ZNF354B: variants seen among roughly 807,000 people sequenced by gnomAD.
The protein encoded by ZNF354B is zinc finger protein 354B.
In ZNF354B, 10 loss-of-function variants were observed where a neutral mutation model predicts 12.9. The observed-to-expected ratio is 0.77, with a 90% CI of 0.48 to 1.31. The LOEUF is 1.31. Ranked by LOEUF, ZNF354B falls within the 40% of genes most tolerant of loss-of-function variation. The probability of loss-of-function intolerance (pLI) is 0.00; values close to 1 mark genes in which losing one functional copy is unlikely to be tolerated. For synonymous variants in ZNF354B, 260 were observed against 243.7 expected (o/e 1.07, Z -0.62); for missense variants, 614 against 711.7 (o/e 0.86, Z 1.56).
chr5:178,876,927 C>CTTTTTTTTTTT (rs71589405), intron 4 of ZNF354B, among the ~76,000 whole-genome samples: 1 of 141,416 alleles, frequency 7.1e-6, no homozygotes, highest in Non-Finnish European at 1.5e-5. Flanking sequence ...TTTTTTATGC[C>CTTTTTTTTTTT]TTTTTTTTTT....
chr5:178,875,315 C>G (rs1757621146), intron 4 of ZNF354B, among the ~76,000 whole-genome samples: 1 of 152,194 alleles, frequency 6.6e-6, no homozygotes, highest in Non-Finnish European at 1.5e-5. Flanking sequence ...GTCTATGGGC[C>G]TCTACCCTAA....
At chr5:178,863,680 C>G (rs1367671875) in intron 2 of ZNF354B, among the ~76,000 whole-genome samples, 1 of 152,132 alleles carries the variant, frequency 6.6e-6, no homozygotes, top group Admixed American at 6.5e-5. Flanking sequence ...CAGGCAGGTT[C>G]TTTGAGAGGT....
chr5:178,867,606 G>T (rs1349560862), intron 4 of ZNF354B, among the ~76,000 whole-genome samples: 2 of 152,174 alleles, frequency 1.3e-5, no homozygotes, highest in East Asian at 3.9e-4. Context: ...AGGGACCTGT[G>T]GCGTGTCCTT....
At chr5:178,862,676 T>C (rs1361755618) in intron 2 of ZNF354B, among the ~76,000 whole-genome samples, 2 of 152,222 alleles carry the variant, frequency 1.3e-5, no homozygotes, top group East Asian at 3.9e-4. Context: ...CGGCGTTATC[T>C]TTTAAACTAG....
intron 4 of ZNF354B, 36 bp from the exon 5 acceptor site, chr5:178,882,673 A>G: frequency 6.6e-7 from 1 of 1,518,450 alleles, no homozygotes; most frequent in Non-Finnish European, 8.7e-7. Context: ...AATCACATGA[A>G]TCATGGGCTG....
At position 178,868,523 on chromosome 5, in the gene ZNF354B, A is replaced by G. The variant is rs562394504; in HGVS notation, c.256+1452A>G. ...AGTGGGGGACAAGGTGAACACACTCATTGCACACAAGGCACAGAAGGACAC... is the reference window on the plus strand; with the variant it reads ...AGTGGGGGACAAGGTGAACACACTCGTTGCACACAAGGCACAGAAGGACAC... On this transcript the variant is annotated intron_variant, in intron 4 of 4. Coordinates refer to ENST00000322434, the MANE Select transcript of ZNF354B (RefSeq NM_058230.3). 2.6e-5 allele frequency among the ~76,000 whole-genome samples: 4 copies of G among 151,940 alleles called. No homozygotes were observed. In the South Asian group the frequency reaches 8.3e-4, roughly 32 times the overall value.
At position 178,884,862 on chromosome 5, in the gene ZNF354B, C is replaced by T. The variant is rs999730409; in HGVS notation, c.*571C>T. 1 of 152,186 alleles carries T rather than the reference C, an allele frequency of 6.6e-6. No homozygotes were observed. The highest frequency in any genetic ancestry group is 2.4e-5 in the African/African-American group (1 of 41,420). The allele number at this position is 152,186 out of a possible 1,614,324, so 9.4% of individuals were successfully genotyped here. A position where few individuals can be genotyped will look rare whatever the true frequency, so the allele number is the denominator to read the frequency against. On this transcript the variant is annotated 3_prime_UTR_variant, in exon 5 of 5. Transcript: ENST00000322434. Reference sequence around the variant, plus strand: ...CATAATTTATGGTAGTGGGGGACTACATTCGCACTTTCTCCTGAAATATAT... The same window carrying T: ...CATAATTTATGGTAGTGGGGGACTATATTCGCACTTTCTCCTGAAATATAT...
Position 178,882,968 on chromosome 5 carries a change from C to T in ZNF354B, c.516C>T (p.Val172=). The change falls in exon 5 of 5, where the codon GTC becomes GTT. Residue 172 remains valine, a synonymous_variant. Transcript: ENST00000322434. ...EFGQNFYLKS[V]FIKQQRFAKE... Reference sequence around the variant, plus strand: ...GCCAAAACTTCTACCTGAAATCAGTCTTCATTAAGCAACAGAGATTTGCTA... The same window carrying T: ...GCCAAAACTTCTACCTGAAATCAGTTTTCATTAAGCAACAGAGATTTGCTA... 1 of 1,607,850 alleles carries T rather than the reference C, an allele frequency of 6.2e-7. No homozygotes were observed. Among genetic ancestry groups the T allele is most frequent in the Non-Finnish European group, 8.5e-7 (1 of 1,178,592 alleles).
At chr5:178,861,794 T>G (rs1237759463) in intron 2 of ZNF354B, among the ~76,000 whole-genome samples, 2 of 152,220 alleles carry the variant, frequency 1.3e-5, no homozygotes, top group Non-Finnish European at 2.9e-5. Context: ...TCTCCTCTGT[T>G]GCTGTTTGTG....
In ZNF354B at chr5:178,883,320, A is replaced by C. The variant is rs774825367; in HGVS notation, c.868A>C (p.Arg290=). ...TAGTGCATCCCTTTGTAAGCATTTA[A>C]GGACCCATACTGTGGAGAAATGCTA... ...SHSASLCKHL[R]THTVEKCYRC... is the part of the protein sequence containing the mutation. Residue 290 remains arginine, a synonymous_variant, in exon 5 of 5, where the codon AGG becomes CGG. Transcript: ENST00000322434. 6.2e-7 allele frequency: 1 copy of C among 1,614,128 alleles called. No individual in the cohort carries two copies. Among genetic ancestry groups the C allele is most frequent in the Admixed American group, 1.7e-5 (1 of 60,020 alleles).
chr5:178,871,380 C>G (rs901896402), intron 4 of ZNF354B, among the ~76,000 whole-genome samples: 1 of 152,216 alleles, frequency 6.6e-6, no homozygotes, highest in African/African-American at 2.4e-5. Context: ...GTGGCTCACT[C>G]ACTTCCTTGT....
intron 2 of ZNF354B, among the ~76,000 whole-genome samples, chr5:178,865,986 T>A (rs961555932): frequency 3.9e-5 from 6 of 152,210 alleles, no homozygotes; most frequent in African/African-American, 1.4e-4. Context: ...AACGAAAGAT[T>A]ATTCTAATTA....
chr5:178,870,246 G>T (rs74342371), intron 4 of ZNF354B, among the ~76,000 whole-genome samples: 1 of 152,062 alleles, frequency 6.6e-6, no homozygotes, highest in South Asian at 2.1e-4. Context: ...GGACTCTCTC[G>T]AACCTCCAGT....
At chr5:178,861,287 C>T (rs1245463637) in intron 2 of ZNF354B, among the ~76,000 whole-genome samples, 1 of 143,156 alleles carries the variant, frequency 7.0e-6, no homozygotes, top group African/African-American at 2.5e-5. Flanking sequence ...AGTTTGTTCA[C>T]GAATCTTCAT....
At position 178,883,958 on chromosome 5, in the gene ZNF354B, A is replaced by G. The variant is rs144121027; in HGVS notation, c.1506A>G (p.Thr502=). The G allele has an allele frequency of 2.9e-5, 46 of 1,614,022 alleles. No homozygotes were observed. Among genetic ancestry groups the G allele is most frequent in the Non-Finnish European group, 3.8e-5 (45 of 1,180,008 alleles). The stretch of plus-strand genomic sequence containing the variant: ...ATAAGTGTAACGAATGTGACAAAAC[A>G]TTCAGGTGTAACTCATCGCTTAGTA... ...RPYKCNECDK[T]FRCNSSLSNH... The change falls in exon 5 of 5, where the codon ACA becomes ACG. Residue 502 remains threonine (T), a synonymous_variant. Coordinates refer to ENST00000322434, the MANE Select transcript of ZNF354B (RefSeq NM_058230.3).
In ZNF354B at chr5:178,884,016, T is replaced by G; in HGVS notation, c.1564T>G (p.Tyr522Asp). ...HQRIHTGEKP[Y>D]RCLECGMSFG... is the part of the protein sequence containing the mutation. ...GAGAATTCATACTGGAGAGAAACCA[T>G]ATCGATGTTTAGAATGTGGGATGTC... The change falls in exon 5 of 5, where the codon TAT (tyrosine) becomes GAT (aspartate). Residue 522 changes from tyrosine (Y) to aspartate (D), a missense_variant. Transcript: ENST00000322434. 6.2e-7 allele frequency: 1 copy of G among 1,614,144 alleles called. No individual in the cohort carries two copies. Among genetic ancestry groups the G allele is most frequent in the South Asian group, 1.1e-5 (1 of 91,088 alleles).
chr5:178,874,149 G>A (rs905829559), intron 4 of ZNF354B, among the ~76,000 whole-genome samples: 4 of 151,992 alleles, frequency 2.6e-5, no homozygotes, highest in South Asian at 2.1e-4. Flanking sequence ...CAGAAACAGC[G>A]TTTCACCATT....
chr5:178,870,749 C>T (rs568556891), intron 4 of ZNF354B, among the ~76,000 whole-genome samples: 6 of 152,310 alleles, frequency 3.9e-5, no homozygotes, highest in African/African-American at 1.4e-4. Context: ...GCCCTGATGA[C>T]ATGGCCTGGA....
At chr5:178,869,409 T>C (rs568377899) in intron 4 of ZNF354B, among the ~76,000 whole-genome samples, 2 of 152,184 alleles carry the variant, frequency 1.3e-5, no homozygotes, top group South Asian at 4.1e-4. Flanking sequence ...TAAATTAAAA[T>C]TTAATGAACT....
Sources: gnomAD v4.1 joint callset for allele counts (sites outside exome capture counted in the v4.1 genomes callset) on GRCh38, gnomAD v4.1.1 for gene constraint, MANE v1.5 for transcripts, NCBI Gene and HGNC (gene_info 2026-07-23, HGNC 2026-07-21) for gene names.